Variants in DMD observed in about 807,000 individuals in gnomAD.
DMD encodes mutant dystrophin.
A neutral mutation model predicts 330.1 loss-of-function variants in DMD; 63 were observed. The ratio of observed to expected loss-of-function variants is 0.19; its 90% CI spans 0.16 to 0.24. The LOEUF is 0.24. Among genes scored for constraint, DMD ranks in the 10% least tolerant of loss-of-function variants. DMD has a pLI of 1.00. For missense variants in DMD, 3,344 were observed against 2,684.1 expected, an observed-to-expected ratio of 1.25 and a Z score of -5.43; for synonymous variants, 1,223 against 959.8, an observed-to-expected ratio of 1.27 and a Z score of -5.07.
intron 12 of DMD, among the ~76,000 whole-genome samples, chrX:32,600,860 T>G (rs1220242419): frequency 1.8e-5 from 2 of 111,130 alleles, no homozygotes; most frequent in Non-Finnish European, 3.8e-5. Context: ...GGAATAGAGT[T>G]GAGTCTAACA....
chrX:31,929,925 C>G (rs940083110), intron 46 of DMD, among the ~76,000 whole-genome samples, 180 bp from the exon 47 acceptor site: 1 of 111,395 alleles, frequency 9.0e-6, no homozygotes, highest in Admixed American at 9.6e-5. Flanking sequence ...ACACTCACCC[C>G]CTCAGTAGAT....
At chrX:32,864,447 C>T (rs1250786753) in intron 2 of DMD, among the ~76,000 whole-genome samples, 2 of 112,248 alleles carry the variant, frequency 1.8e-5, no homozygotes, top group East Asian at 2.8e-4. Context: ...TGAGCCTTTA[C>T]GTCATCTTTT....
chrX:32,437,808 A>G (rs929657741), intron 29 of DMD, among the ~76,000 whole-genome samples: 1 of 112,755 alleles, frequency 8.9e-6, no homozygotes, highest in Non-Finnish European at 1.9e-5. Context: ...AAATTTATCT[A>G]TAAGAAATGT....
intron 55 of DMD, among the ~76,000 whole-genome samples, chrX:31,541,566 C>T (rs2073826378): frequency 9.6e-6 from 1 of 104,453 alleles, no homozygotes; most frequent in Admixed American, 1.1e-4. Flanking sequence ...TCAATTCCCG[C>T]CTGTGAGTAA....
At chrX:31,924,339 T>C (rs2094737363) in intron 47 of DMD, among the ~76,000 whole-genome samples, 1 of 112,240 alleles carries the variant, frequency 8.9e-6, no homozygotes, top group Admixed American at 9.5e-5. Flanking sequence ...TTCACATTTA[T>C]ACTGACGACT....
chrX:31,144,204 C>T (rs745795271), intron 76 of DMD, among the ~76,000 whole-genome samples: 2 of 111,882 alleles, frequency 1.8e-5, no homozygotes, highest in East Asian at 5.6e-4. Flanking sequence ...TTTCAACTAC[C>T]CTGTCTCTTT....
At chrX:32,725,370 G>A (rs2147955711) in intron 7 of DMD, among the ~76,000 whole-genome samples, 1 of 110,647 alleles carries the variant, frequency 9.0e-6, no homozygotes, top group East Asian at 2.8e-4. Flanking sequence ...TTATATACAT[G>A]CTATGATTCT....
At chrX:32,681,188 T>G (rs2062392099) in intron 9 of DMD, among the ~76,000 whole-genome samples, 1 of 111,639 alleles carries the variant, frequency 9.0e-6, no homozygotes, top group African/African-American at 3.3e-5. Flanking sequence ...ATTTTCATTC[T>G]TTTCTTATCT....
At chrX:33,011,830 C>G (rs1319999929) in intron 2 of DMD, among the ~76,000 whole-genome samples, 1 of 111,827 alleles carries the variant, frequency 8.9e-6, no homozygotes, top group African/African-American at 3.2e-5. Context: ...AAAATAAAAT[C>G]AGATAAATAA....
chrX:32,252,639 AAT>A (rs1157886700), intron 43 of DMD, among the ~76,000 whole-genome samples: 1 of 70,997 alleles, frequency 1.4e-5, no homozygotes, highest in Non-Finnish European at 2.3e-5. Context: ...TGTATATATA[AAT>A]ATATATAAAT....
At chrX:33,247,817 G>C (rs899165991) in intron 1 of DMD, among the ~76,000 whole-genome samples, 1 of 110,872 alleles carries the variant, frequency 9.0e-6, no homozygotes, top group Non-Finnish European at 1.9e-5. Flanking sequence ...ATTAAGACTG[G>C]GTTGCATGAT....
chrX:33,004,447 T>G (rs1422039935), intron 2 of DMD, among the ~76,000 whole-genome samples: 2 of 111,465 alleles, frequency 1.8e-5, no homozygotes, highest in African/African-American at 6.5e-5. Flanking sequence ...CTACCAGACC[T>G]TCCCAGCTGA....
chrX:31,826,167 A>G (rs776349095), intron 49 of DMD, among the ~76,000 whole-genome samples: 1 of 111,865 alleles, frequency 8.9e-6, no homozygotes, highest in East Asian at 2.8e-4. Flanking sequence ...CTGTCCATTT[A>G]CTCTAATATT....
At chrX:32,411,075 C>T (rs753333523) in intron 30 of DMD, among the ~76,000 whole-genome samples, 2 of 111,662 alleles carry the variant, frequency 1.8e-5, no homozygotes, top group East Asian at 5.6e-4. Flanking sequence ...TGTGACTAAA[C>T]GAGGAGTTTA....
At chrX:31,889,009 A>C (rs1191253112) in intron 47 of DMD, among the ~76,000 whole-genome samples, 1 of 112,239 alleles carries the variant, frequency 8.9e-6, no homozygotes. Context: ...CCCCTGTGTC[A>C]AATCACAGTG....
At chrX:33,273,535 A>T (rs779839957) in intron 1 of DMD, among the ~76,000 whole-genome samples, 1 of 112,356 alleles carries the variant, frequency 8.9e-6, no homozygotes, top group Non-Finnish European at 1.9e-5. Context: ...CCGGTTCTTG[A>T]CTTCAAATAT....
At chrX:32,969,712 CATAT>C (rs2092317675) in intron 2 of DMD, among the ~76,000 whole-genome samples, 1 of 94,452 alleles carries the variant, frequency 1.1e-5, no homozygotes, top group South Asian at 5.1e-4. Context: ...TACATATGCA[CATAT>C]ATATGTTCTA....
intron 19 of DMD, among the ~76,000 whole-genome samples, chrX:32,496,394 A>C (rs747175111): frequency 8.9e-6 from 1 of 112,188 alleles, no homozygotes; most frequent in South Asian, 3.7e-4. Flanking sequence ...ACCTGTGAAG[A>C]CAAGTTCTGA....
At chrX:32,212,506 A>C (rs2097097024) in intron 44 of DMD, among the ~76,000 whole-genome samples, 1 of 111,972 alleles carries the variant, frequency 8.9e-6, no homozygotes, top group Non-Finnish European at 1.9e-5. Flanking sequence ...AGACATGAAA[A>C]GAATTAAGAT....
Sources: gnomAD v4.1 joint callset for allele counts (sites outside exome capture counted in the v4.1 genomes callset) on GRCh38, gnomAD v4.1.1 for gene constraint, MANE v1.5 for transcripts, NCBI Gene and HGNC (gene_info 2026-07-23, HGNC 2026-07-21) for gene names.